EPM2A: variants seen among roughly 807,000 people sequenced by gnomAD.
EPM2A encodes EPM2A glucan phosphatase, laforin.
Under a neutral mutation model 26.5 loss-of-function variants are expected in EPM2A, and 21 were observed. That is an observed-to-expected ratio of 0.79 (90% CI 0.56 to 1.14). The LOEUF (loss-of-function observed/expected upper bound fraction) is 1.14. Among genes scored for constraint, EPM2A ranks in the 50% most tolerant of loss-of-function variants. The probability of loss-of-function intolerance (pLI) is 0.00; values close to 1 mark genes in which losing one functional copy is unlikely to be tolerated. For missense variants in EPM2A, 458 were observed against 440.8 expected, an observed-to-expected ratio of 1.04 and a Z score of -0.35; for synonymous variants, 217 against 177.6, an observed-to-expected ratio of 1.22 and a Z score of -1.76.
At chr6:145,389,398 G>A (rs878886701) in intron 4 of EPM2A, among the ~76,000 whole-genome samples, 1 of 151,870 alleles carries the variant, frequency 6.6e-6, no homozygotes, top group Non-Finnish European at 1.5e-5. Flanking sequence ...CACCATGTTG[G>A]CCAGGCTGGT....
intron 4 of EPM2A, among the ~76,000 whole-genome samples, chr6:145,440,155 A>G (rs1225390319): frequency 2.0e-5 from 3 of 152,226 alleles, no homozygotes; most frequent in African/African-American, 4.8e-5. Context: ...TCAGCTCCAC[A>G]TGGCTGGGAA....
At chr6:145,628,516 G>A (rs1775999612) in intron 3 of EPM2A, 1 of 152,212 alleles carries the variant, frequency 6.6e-6, no homozygotes, top group Admixed American at 6.5e-5. Context: ...CCTGCTCACA[G>A]GTTCTCAGTA....
chr6:145,458,308 G>T (rs1469663414), intron 4 of EPM2A, among the ~76,000 whole-genome samples: 1 of 124,304 alleles, frequency 8.0e-6, no homozygotes, highest in African/African-American at 3.0e-5. Context: ...AGCTCGGTTG[G>T]GAAGGCCGAA....
intron 4 of EPM2A, among the ~76,000 whole-genome samples, chr6:145,400,283 C>G (rs755021175): frequency 2.0e-5 from 3 of 152,144 alleles, no homozygotes; most frequent in Non-Finnish European, 4.4e-5. Context: ...GACACCCAAC[C>G]AACTGAATTA....
Position 145,653,175 on chromosome 6 carries a change from C to T in EPM2A, c.477-17689G>A, listed in dbSNP as rs1490232223. Among the ~76,000 whole-genome samples the T allele has an allele frequency of 2.6e-5, 4 of 152,204 alleles. No individual in the cohort carries two copies. In the East Asian group the frequency reaches 7.7e-4, roughly 29 times the overall value. On this transcript the variant is annotated intron_variant, in intron 2 of 3. Coordinates refer to ENST00000367519, the MANE Select transcript of EPM2A (RefSeq NM_005670.4). Reference sequence around the variant, plus strand: ...TCTCATCTTGAATTATAATCCCCACCTGTTGAAGGAGGGACCTGTAATCCC... The same window carrying T: ...TCTCATCTTGAATTATAATCCCCACTTGTTGAAGGAGGGACCTGTAATCCC...
intron 2 of EPM2A, among the ~76,000 whole-genome samples, chr6:145,615,723 G>A (rs1193557571): frequency 6.6e-6 from 1 of 151,990 alleles, no homozygotes; most frequent in Non-Finnish European, 1.5e-5. Flanking sequence ...ATGGAGATGA[G>A]GAACTTGTTG....
chr6:145,696,745 A>G (rs1306252246), intron 1 of EPM2A, among the ~76,000 whole-genome samples: 3 of 150,524 alleles, frequency 2.0e-5, no homozygotes, highest in Non-Finnish European at 4.4e-5. Flanking sequence ...GATCCTAGTA[A>G]TGAATCAAAC....
intron 4 of EPM2A, among the ~76,000 whole-genome samples, chr6:145,473,419 A>G (rs1779501562): frequency 6.6e-6 from 1 of 152,094 alleles, no homozygotes; most frequent in Non-Finnish European, 1.5e-5. Context: ...TCTAGAAAAT[A>G]GCCTCAGAAG....
intron 2 of EPM2A, among the ~76,000 whole-genome samples, chr6:145,511,431 G>A (rs1780053605): frequency 6.6e-6 from 1 of 152,046 alleles, no homozygotes; most frequent in South Asian, 2.1e-4. Context: ...TTATTCCTGG[G>A]GTGCAAGGAT....
chr6:145,658,184 T>C (rs1261763609), intron 2 of EPM2A, among the ~76,000 whole-genome samples: 2 of 152,354 alleles, frequency 1.3e-5, no homozygotes, highest in East Asian at 1.9e-4. Flanking sequence ...CCAAGTTAGA[T>C]AGTAAATACT....
At chr6:145,592,031 T>G (rs551458124) in intron 2 of EPM2A, among the ~76,000 whole-genome samples, 1 of 152,192 alleles carries the variant, frequency 6.6e-6, no homozygotes, top group East Asian at 1.9e-4. Flanking sequence ...AAAATTATAC[T>G]TTAAGTTGTA....
intron 4 of EPM2A, among the ~76,000 whole-genome samples, chr6:145,465,288 A>T (rs1293559995): frequency 2.0e-5 from 3 of 150,674 alleles, no homozygotes; most frequent in East Asian, 2.0e-4. Context: ...TGCATTCTTC[A>T]CGTAGTTCTC....
At position 145,523,303 on chromosome 6, in the gene EPM2A, A is replaced by G. The variant is rs562059004; in HGVS notation, c.341-20728T>C. 2.0e-5 allele frequency among the ~76,000 whole-genome samples: 3 copies of G among 152,266 alleles called. No individual in the cohort carries two copies. In the South Asian group the frequency reaches 6.2e-4, roughly 32 times the overall value. The stretch of plus-strand genomic sequence containing the variant: ...CTCAATTACATGAAAATTCAAGGGG[A>G]GGACAATTCTTTCATATTTTGCTTT... On this transcript the variant is annotated intron_variant, in intron 2 of 3. Transcript: ENST00000450221.
At chr6:145,615,309 C>T (rs73568366) in intron 2 of EPM2A, among the ~76,000 whole-genome samples, 10,194 of 152,218 alleles carry the variant, frequency 0.067, 1,147 homozygotes, top group African/African-American at 0.23. Flanking sequence ...CATAAACCCT[C>T]TTCTCTTGTC....
chr6:145,727,387 T>A (rs1279429333), intron 1 of EPM2A, among the ~76,000 whole-genome samples: 2 of 152,134 alleles, frequency 1.3e-5, no homozygotes, highest in African/African-American at 4.8e-5. Flanking sequence ...AGATTAGACC[T>A]AGAAGAAAGC....
chr6:145,527,611 T>G (rs1051997256), intron 2 of EPM2A, among the ~76,000 whole-genome samples: 2 of 151,910 alleles, frequency 1.3e-5, no homozygotes, highest in Admixed American at 1.3e-4. Context: ...TCTGCTCATG[T>G]GTGTGTGTGT....
intron 2 of EPM2A, among the ~76,000 whole-genome samples, chr6:145,596,183 T>G (rs1781341591): frequency 6.6e-6 from 1 of 152,220 alleles, no homozygotes; most frequent in Admixed American, 6.5e-5. Flanking sequence ...GACAACTAAT[T>G]TTTACACTTT....
At chr6:145,521,143 T>A (rs1169524962) in intron 2 of EPM2A, among the ~76,000 whole-genome samples, 1 of 152,102 alleles carries the variant, frequency 6.6e-6, no homozygotes, top group African/African-American at 2.4e-5. Flanking sequence ...ACTTTACTCA[T>A]AATAATACAC....
chr6:145,494,025 T>G (rs946065289), intron 4 of EPM2A, among the ~76,000 whole-genome samples: 5 of 152,244 alleles, frequency 3.3e-5, no homozygotes, highest in Admixed American at 3.3e-4. Context: ...AGTCCCTCTT[T>G]TTCCATTGTT....
Sources: allele counts gnomAD v4.1 joint callset (sites outside exome capture counted in the v4.1 genomes callset), GRCh38; gene constraint gnomAD v4.1.1; transcripts MANE v1.5; gene names NCBI Gene and HGNC (gene_info 2026-07-23, HGNC 2026-07-21).